FAM81A: variants seen among roughly 807,000 people sequenced by gnomAD.
FAM81A encodes family with sequence similarity 81 member A.
Under a neutral mutation model 46.7 loss-of-function variants are expected in FAM81A, and 19 were observed. The observed-to-expected ratio is 0.41, with a 90% CI of 0.28 to 0.60. The LOEUF (loss-of-function observed/expected upper bound fraction) is 0.60, where lower values mean the gene tolerates loss of function less well. Among genes scored for constraint, FAM81A ranks in the 20% least tolerant of loss-of-function variants. The probability of loss-of-function intolerance (pLI) is 0.34; values close to 1 mark genes in which losing one functional copy is unlikely to be tolerated. For synonymous variants in FAM81A, 183 were observed against 152.9 expected, an observed-to-expected ratio of 1.20 and a Z score of -1.45; for missense variants, 377 against 453.5, an observed-to-expected ratio of 0.83 and a Z score of 1.53.
At chr15:59,505,094 A>G (rs554730308) in intron 4 of FAM81A, among the ~76,000 whole-genome samples, 3 of 152,072 alleles carry the variant, frequency 2.0e-5, no homozygotes, top group East Asian at 1.9e-4. Context: ...ACATCCCTCT[A>G]TTTGACTTCC....
chr15:59,513,626 A>G (rs1282971999), intron 6 of FAM81A, among the ~76,000 whole-genome samples: 2 of 152,248 alleles, frequency 1.3e-5, no homozygotes, highest in Admixed American at 1.3e-4. Flanking sequence ...GTTGGCATAT[A>G]TACCAGAAAT....
chr15:59,502,470 C>A (rs1261906058), intron 4 of FAM81A, among the ~76,000 whole-genome samples: 1 of 144,186 alleles, frequency 6.9e-6, no homozygotes, highest in African/African-American at 2.6e-5. Context: ...CATAAAAAAA[C>A]CAGAGTTGAC....
chr15:59,444,220 T>C (rs2081330947), intron 1 of FAM81A: 1 of 152,216 alleles, frequency 6.6e-6, no homozygotes, highest in Non-Finnish European at 1.5e-5. Flanking sequence ...ATGAAATCAT[T>C]AAGCAAGTGC....
intron 6 of FAM81A, among the ~76,000 whole-genome samples, chr15:59,509,655 G>A (rs193115464): frequency 3.8e-4 from 58 of 152,324 alleles, no homozygotes; most frequent in African/African-American, 1.3e-3. Flanking sequence ...GAGGCCACTA[G>A]AATGAGTGAG....
At chr15:59,424,340 T>G (rs2081186620) in intron 2 of FAM81A, among the ~76,000 whole-genome samples, 1 of 152,200 alleles carries the variant, frequency 6.6e-6, no homozygotes, top group Non-Finnish European at 1.5e-5. Flanking sequence ...ATCTGGTTCT[T>G]CCTTCTCTGG....
intron 4 of FAM81A, among the ~76,000 whole-genome samples, chr15:59,494,692 A>G (rs2141766846): frequency 6.6e-6 from 1 of 152,288 alleles, no homozygotes; most frequent in East Asian, 1.9e-4. Flanking sequence ...TTCATGTGAA[A>G]TAAAAATTCT....
chr15:59,455,820 TCA>T (rs538651966), intron 1 of FAM81A, among the ~76,000 whole-genome samples: 213 of 152,332 alleles, frequency 1.4e-3, no homozygotes, highest in Admixed American at 2.9e-3. Context: ...CCCCATTCTT[TCA>T]GATACTTATT....
chr15:59,510,448 C>T (rs1414742972), intron 6 of FAM81A, among the ~76,000 whole-genome samples: 1 of 150,608 alleles, frequency 6.6e-6, no homozygotes, highest in Non-Finnish European at 1.5e-5. Context: ...GTTTGGTGCT[C>T]TAAAACTACA....
Position 59,444,686 on chromosome 15 carries a change from G to A in FAM81A, c.-78+6404G>A, listed in dbSNP as rs866095446. 3.9e-5 allele frequency among the ~76,000 whole-genome samples: 6 copies of A among 152,088 alleles called. No individual in the cohort carries two copies. The South Asian group carries it at 1.2e-3, about 32-fold the overall frequency. On this transcript the variant is annotated intron_variant, in intron 1 of 8. Transcript: ENST00000288228. ...CTCTACTCACTGTTTCTCTCCTCCC[G>A]TATTTCACTCTTTCTGTCTGTTACT...
Position 59,514,298 on chromosome 15 carries a change from T to C in FAM81A, c.660T>C (p.Gly220=). Residue 220 remains glycine (G), a synonymous_variant, in exon 7 of 9, where the codon GGT becomes GGC. Coordinates refer to ENST00000288228, the MANE Select transcript of FAM81A (RefSeq NM_152450.3). ...QLQLLDTKFK[G]TVEELSNQIL... ...AATTTTTTTTTTTTAGATTTAAAGG[T>C]ACAGTTGAGGAACTCAGTAACCAGA... is the stretch of plus-strand genomic sequence containing the variant. 1 of 1,591,558 alleles carries C rather than the reference T, an allele frequency of 6.3e-7. No individual in the cohort carries two copies. The highest frequency in any genetic ancestry group is 1.9e-5 in the Admixed American group (1 of 52,906).
chr15:59,466,407 G>A (rs539352673), intron 3 of FAM81A, among the ~76,000 whole-genome samples: 79 of 151,618 alleles, frequency 5.2e-4, no homozygotes, highest in African/African-American at 1.1e-3. Context: ...TCTAACTGGC[G>A]TGAGATGGTA....
At chr15:59,520,189 T>C (rs73418913) in intron 8 of FAM81A, among the ~76,000 whole-genome samples, 15,087 of 152,112 alleles carry the variant, frequency 0.099, 1,449 homozygotes, top group African/African-American at 0.25. Context: ...CCAAGGAAGC[T>C]GAAAGTTTGG....
At chr15:59,462,672 C>T (rs1408514066) in intron 3 of FAM81A, among the ~76,000 whole-genome samples, 1 of 152,216 alleles carries the variant, frequency 6.6e-6, no homozygotes, top group East Asian at 1.9e-4. Context: ...CCCCACTCCA[C>T]TTTCCCCTCA....
chr15:59,401,837 A>G, intron 1 of FAM81A: 1 of 734,344 alleles, frequency 1.4e-6, no homozygotes, highest in Non-Finnish European at 2.5e-6. Flanking sequence ...GTATTTTCTC[A>G]GCATGGCCCT....
At chr15:59,428,223 G>T (rs1307426283) in intron 2 of FAM81A, among the ~76,000 whole-genome samples, 1 of 152,060 alleles carries the variant, frequency 6.6e-6, no homozygotes. Flanking sequence ...TGTCTATTCA[G>T]ATCTTTTGTC....
chr15:59,452,648 CA>C (rs1225571541), intron 1 of FAM81A, among the ~76,000 whole-genome samples: 1 of 152,062 alleles, frequency 6.6e-6, no homozygotes, highest in Non-Finnish European at 1.5e-5. Context: ...CAGTGTCTCA[CA>C]CAAAAAAATT....
rs973054779 is a variant in FAM81A, at chr15:59,460,477, C to T, written c.294+271C>T. ...TTAAATGATTTTATTTTGTTTGGCT[C>T]TTAATGAAGAGAGAGAAGAACTAGT... On this transcript the variant is annotated intron_variant, in intron 3 of 8. Transcript: ENST00000288228. The surrounding 1 kb of genome is among the most constrained non-coding windows in gnomAD (Gnocchi z 4.4). The T allele has an allele frequency of 3.9e-6, 2 of 511,600 alleles. No individual in the cohort carries two copies. The highest frequency in any genetic ancestry group is 6.0e-5 in the Admixed American group (2 of 33,208). 31.7% of individuals were successfully genotyped at this position (511,600 alleles called of 1,614,324 possible).
intron 2 of FAM81A, among the ~76,000 whole-genome samples, chr15:59,423,893 T>C (rs4420473): frequency 1 from 152,332 of 152,352 alleles, 76,156 homozygotes; most frequent in Non-Finnish European, 1. Flanking sequence ...GAAACCTAGG[T>C]TAACATTTTC....
intron 3 of FAM81A, among the ~76,000 whole-genome samples, chr15:59,487,248 AG>A (rs1235971300): frequency 2.1e-5 from 3 of 144,864 alleles, no homozygotes; most frequent in Non-Finnish European, 4.5e-5. Flanking sequence ...TATATATATT[AG>A]TATAGAGTTT....
Sources: gnomAD v4.1 joint callset for allele counts (sites outside exome capture counted in the v4.1 genomes callset) on GRCh38, gnomAD v4.1.1 for gene constraint, Gnocchi (gnomAD v3.1) non-coding constraint, MANE v1.5 for transcripts, NCBI Gene and HGNC (gene_info 2026-07-23, HGNC 2026-07-21) for gene names.